Variants in ZFAND3 observed in about 807,000 individuals in gnomAD.
ZFAND3 encodes the protein zinc finger AN1-type containing 3, also known as AN1-type zinc finger protein 3.
ZFAND3 carries 10 observed loss-of-function variants against 29.6 expected under a neutral mutation model. The observed-to-expected ratio is 0.34, with a 90% CI of 0.21 to 0.57. The LOEUF (loss-of-function observed/expected upper bound fraction) is 0.57, where lower values mean the gene tolerates loss of function less well. Among genes scored for constraint, ZFAND3 ranks in the 20% least tolerant of loss-of-function variants. The probability of loss-of-function intolerance (pLI) is 0.86; values close to 1 mark genes in which losing one functional copy is unlikely to be tolerated. For missense variants in ZFAND3, 230 were observed against 304.5 expected (o/e 0.76, Z 1.82); for synonymous variants, 128 against 112.6 (o/e 1.14, Z -0.87).
intron 2 of ZFAND3, chr6:38,003,895 T>C (rs897877284): frequency 2.7e-5 from 10 of 374,348 alleles, no homozygotes; most frequent in African/African-American, 2.0e-4. Flanking sequence ...GTGAGTTTGC[T>C]CTAACCTGCT....
At chr6:37,899,739 A>C (rs1389600322) in intron 1 of ZFAND3, among the ~76,000 whole-genome samples, 1 of 152,214 alleles carries the variant, frequency 6.6e-6, no homozygotes, top group East Asian at 1.9e-4. Flanking sequence ...GAAATAATAC[A>C]ACTAATGCAC....
chr6:38,026,908 T>TC (rs78921075), intron 2 of ZFAND3, among the ~76,000 whole-genome samples: 13,429 of 152,228 alleles, frequency 0.088, 769 homozygotes, highest in East Asian at 0.28. Context: ...TAATTTACTC[T>TC]TTACAGATGA....
At chr6:37,886,963 A>G (rs1765006206) in intron 1 of ZFAND3, among the ~76,000 whole-genome samples, 1 of 152,188 alleles carries the variant, frequency 6.6e-6, no homozygotes, top group Non-Finnish European at 1.5e-5. Context: ...GACATCACAT[A>G]CACTTCACCC....
intron 2 of ZFAND3, among the ~76,000 whole-genome samples, chr6:37,967,450 G>A (rs926104934): frequency 6.6e-6 from 1 of 152,172 alleles, no homozygotes; most frequent in East Asian, 1.9e-4. Flanking sequence ...TCTCCAAGGA[G>A]CCTTGGTTCT....
chr6:37,922,692 A>T (rs1761405722), intron 1 of ZFAND3, among the ~76,000 whole-genome samples: 2 of 152,220 alleles, frequency 1.3e-5, no homozygotes, highest in African/African-American at 4.8e-5. Context: ...AAACCTGTAG[A>T]ACATGTTACT....
chr6:38,144,231 A>ATATATATATTTTTTTT, intron 5 of ZFAND3, among the ~76,000 whole-genome samples: 1 of 75,256 alleles, frequency 1.3e-5, no homozygotes, highest in Non-Finnish European at 3.1e-5. Context: ...ATATATATAT[A>ATATATATATTTTTTTT]TTTTTTTTTT....
At chr6:37,889,952 TTCCA>T (rs1261220887) in intron 1 of ZFAND3, among the ~76,000 whole-genome samples, 2 of 152,234 alleles carry the variant, frequency 1.3e-5, no homozygotes, top group African/African-American at 2.4e-5. Flanking sequence ...TTAAGACGTG[TTCCA>T]TCCATCTTCA....
At chr6:37,968,501 T>A (rs1762330009) in intron 2 of ZFAND3, among the ~76,000 whole-genome samples, 1 of 151,644 alleles carries the variant, frequency 6.6e-6, no homozygotes. Context: ...TTGGTAATAT[T>A]TGGTGTGTGC....
chr6:38,037,200 A>G (rs1462660143), intron 2 of ZFAND3, among the ~76,000 whole-genome samples: 1 of 152,226 alleles, frequency 6.6e-6, no homozygotes, highest in Non-Finnish European at 1.5e-5. Context: ...TTTGTAAGGT[A>G]TAATGAATGG....
Position 38,144,192 on chromosome 6 carries a change from TA to T in ZFAND3, c.530-8042del, listed in dbSNP as rs1232588055. 4.4e-4 allele frequency among the ~76,000 whole-genome samples: 18 copies of T among 40,778 alleles called. 1 individual carries two copies. Among genetic ancestry groups the T allele is most frequent in the Non-Finnish European group, 7.9e-4 (15 of 19,046 alleles). The allele number at this position is 40,778 out of a possible 152,430, so 26.8% of individuals were successfully genotyped here. A position where few individuals can be genotyped will look rare whatever the true frequency, so the allele number is the denominator to read the frequency against. On this transcript the variant is annotated intron_variant, in intron 5 of 5. Coordinates refer to ENST00000287218, the MANE Select transcript of ZFAND3 (RefSeq NM_021943.3). Reference sequence around the variant, plus strand: ...ATGTGATATATATATATAATATATATATATATATATATATATATAATATATA... The same window carrying T: ...ATGTGATATATATATATAATATATATTATATATATATATATATAATATATA...
chr6:37,987,823 G>C (rs949238202), intron 2 of ZFAND3, among the ~76,000 whole-genome samples: 13 of 152,172 alleles, frequency 8.5e-5, no homozygotes, highest in Non-Finnish European at 1.5e-4. Flanking sequence ...CCTCGGTCAT[G>C]GTTTGTTTGG....
intron 2 of ZFAND3, among the ~76,000 whole-genome samples, chr6:38,047,162 C>T (rs1010197760): frequency 1.3e-5 from 2 of 151,784 alleles, no homozygotes; most frequent in Non-Finnish European, 2.9e-5. Context: ...ACTAAAAATA[C>T]GAAAATTAGC....
chr6:37,904,945 CAT>C (rs1554155748), intron 1 of ZFAND3, among the ~76,000 whole-genome samples: 1 of 152,092 alleles, frequency 6.6e-6, no homozygotes, highest in Non-Finnish European at 1.5e-5. Flanking sequence ...GTGTGTATTT[CAT>C]ATAATACATT....
rs1011575636 is a variant in ZFAND3 at position 38,021,255 on chromosome 6, A to G, written c.113-40338A>G. Among the ~76,000 whole-genome samples the G allele has an allele frequency of 7.2e-5, 11 of 152,228 alleles. 1 individual carries two copies. Among genetic ancestry groups the G allele is most frequent in the Non-Finnish European group, 1.5e-5 (1 of 68,044 alleles). ...ATTATCCCAGCTGCCGCGATAAGTAATGTGGAGAAGATTAATGATTTGTCT... is the reference window on the plus strand; with the variant it reads ...ATTATCCCAGCTGCCGCGATAAGTAGTGTGGAGAAGATTAATGATTTGTCT... On this transcript the variant is annotated intron_variant, in intron 2 of 5. Coordinates refer to ENST00000287218, the MANE Select transcript of ZFAND3 (RefSeq NM_021943.3).
Position 37,867,913 on chromosome 6 carries a change from C to T in ZFAND3, c.71+47897C>T, listed in dbSNP as rs185190221. On this transcript the variant is annotated intron_variant, in intron 1 of 5. Coordinates refer to ENST00000287218, the MANE Select transcript of ZFAND3 (RefSeq NM_021943.3). ...GAGTATATGATTTAATATTTTTGAC[C>T]GAGAGTTGCTATTATACCAGGGGAC... Among the ~76,000 whole-genome samples the T allele has an allele frequency of 1.8e-3, 268 of 152,182 alleles. 1 individual carries two copies. Among genetic ancestry groups the T allele is most frequent in the African/African-American group, 6.0e-3 (249 of 41,516 alleles).
intron 4 of ZFAND3, among the ~76,000 whole-genome samples, chr6:38,094,749 G>A (rs1177792219): frequency 3.9e-5 from 6 of 151,972 alleles, no homozygotes; most frequent in East Asian, 1.9e-4. Flanking sequence ...ATCTTCGGTC[G>A]GCTACACTTG....
chr6:37,908,420 T>G (rs1300139698), intron 1 of ZFAND3, among the ~76,000 whole-genome samples: 1 of 152,026 alleles, frequency 6.6e-6, no homozygotes, highest in Non-Finnish European at 1.5e-5. Context: ...TAGAAAAGTT[T>G]GATCACATGT....
intron 1 of ZFAND3, among the ~76,000 whole-genome samples, chr6:37,919,151 A>G (rs948457632): frequency 2.0e-5 from 3 of 151,754 alleles, no homozygotes; most frequent in African/African-American, 7.3e-5. Context: ...ACGGGGTTTC[A>G]CCATGTTGGC....
intron 5 of ZFAND3, among the ~76,000 whole-genome samples, chr6:38,125,083 A>G (rs1253502055): frequency 6.6e-6 from 1 of 152,218 alleles, no homozygotes; most frequent in Non-Finnish European, 1.5e-5. Flanking sequence ...GATGGGAGTT[A>G]TTATATATGT....
Sources: allele counts gnomAD v4.1 joint callset (sites outside exome capture counted in the v4.1 genomes callset), GRCh38; gene constraint gnomAD v4.1.1; transcripts MANE v1.5; gene names NCBI Gene and HGNC (gene_info 2026-07-23, HGNC 2026-07-21).